Variants in DDX55 observed in about 807,000 individuals in gnomAD.
The protein encoded by DDX55 is DEAD-box helicase 55.
DDX55 carries 56 observed loss-of-function variants against 69.2 expected under a neutral mutation model. The ratio of observed to expected loss-of-function variants is 0.81; its 90% CI spans 0.65 to 1.01. DDX55 has a LOEUF of 1.01. Ranked by LOEUF, DDX55 falls within the 50% of genes least tolerant of loss-of-function variation. DDX55 has a pLI of 0.00. For synonymous variants in DDX55, 268 were observed against 273.1 expected, an observed-to-expected ratio of 0.98 and a Z score of 0.18; for missense variants, 720 against 745.1, an observed-to-expected ratio of 0.97 and a Z score of 0.39.
chr12:123,606,043 G>C (rs1404627956), intron 2 of DDX55, 30 bp from the exon 3 acceptor site: 9 of 1,543,054 alleles, frequency 5.8e-6, no homozygotes, highest in Non-Finnish European at 7.8e-6. Flanking sequence ...CTCTGAGGAA[G>C]AAAGGGAAAC....
intron 1 of DDX55, among the ~76,000 whole-genome samples, chr12:123,603,393 T>TTC (rs386378043): frequency 2.8e-5 from 1 of 35,504 alleles, no homozygotes; most frequent in Non-Finnish European, 8.4e-5. Context: ...GTTTTTATTC[T>TTC]TTTTTTTTTT....
intron 8 of DDX55, among the ~76,000 whole-genome samples, chr12:123,613,506 A>G (rs991283883): frequency 6.6e-6 from 1 of 152,028 alleles, no homozygotes; most frequent in Non-Finnish European, 1.5e-5. Flanking sequence ...TGTTGATGTG[A>G]TTGGTCTTCT....
Position 123,618,818 on chromosome 12 carries a change from C to T in DDX55, c.1314C>T (p.Asn438=). ...AAGCTTATGCAAAGCATGAATGCAA[C>T]CTGATTTTCAGATTAAAGGGTAAGT... is the stretch of plus-strand genomic sequence containing the variant. ...YVQAYAKHEC[N]LIFRLKDLDF... is the part of the protein sequence containing the mutation. The change falls in exon 12 of 14, where the codon AAC becomes AAT. Residue 438 remains asparagine (N), a synonymous_variant. Coordinates refer to ENST00000238146, the MANE Select transcript of DDX55 (RefSeq NM_020936.3). The T allele has an allele frequency of 3.7e-6, 6 of 1,613,802 alleles. No individual in the cohort carries two copies. The highest frequency in any genetic ancestry group is 3.3e-5 in the South Asian group (3 of 91,034).
At chr12:123,617,413 T>C (rs1215368355) in intron 10 of DDX55, among the ~76,000 whole-genome samples, 1 of 152,258 alleles carries the variant, frequency 6.6e-6, no homozygotes, top group Non-Finnish European at 1.5e-5. Context: ...CAAGTGTTGA[T>C]GATTACTCCT....
chr12:123,604,820 T>C (rs1953787790), intron 1 of DDX55: 1 of 152,226 alleles, frequency 6.6e-6, no homozygotes, highest in African/African-American at 2.4e-5. Context: ...TTAGAAAATT[T>C]AAAATTGTTT....
At position 123,610,605 on chromosome 12, in the gene DDX55, CTT is replaced by C. The variant is rs35576014; in HGVS notation, c.741+500_741+501del. 2.9e-4 allele frequency among the ~76,000 whole-genome samples: 26 copies of C among 90,034 alleles called. No individual in the cohort carries two copies. In the East Asian group the frequency reaches 5.0e-3, roughly 17 times the overall value. The allele number at this position is 90,034 out of a possible 152,430, so 59.1% of individuals were successfully genotyped here. A position where few individuals can be genotyped will look rare whatever the true frequency, so the allele number is the denominator to read the frequency against. On this transcript the variant is annotated intron_variant, in intron 7 of 13. Coordinates refer to ENST00000238146, the MANE Select transcript of DDX55 (RefSeq NM_020936.3). ...GACCTGCATCAAATATGCTGAGTTT[CTT>C]TTTTTTTTTTTTTTTTTTTTTTGAG...
rs576448143 is a variant in DDX55, at chr12:123,610,059, A to G, written c.672A>G (p.Ser224=). The G allele has an allele frequency of 1.9e-6, 3 of 1,614,190 alleles. No individual in the cohort carries two copies. In the African/African-American group the frequency reaches 4.0e-5, roughly 22 times the overall value. The part of the protein sequence containing the change: ...RAGLRNPVRV[S]VKEKGVAASS... ...GCCTCCGGAACCCTGTCCGGGTCTC[A>G]GTGAAGGAGAAGGGCGTGGCAGCCA... The change falls in exon 7 of 14, where the codon TCA becomes TCG. Residue 224 remains serine, a synonymous_variant. Transcript: ENST00000238146.
intron 3 of DDX55, among the ~76,000 whole-genome samples, chr12:123,607,140 G>A (rs1006840594): frequency 3.3e-5 from 5 of 152,222 alleles, no homozygotes; most frequent in African/African-American, 1.2e-4. Flanking sequence ...TGACAAAAAT[G>A]TCATGCCCAA....
In DDX55 at chr12:123,618,784, C is replaced by T; in HGVS notation, c.1280C>T (p.Ser427Leu). The T allele has an allele frequency of 6.2e-7, 1 of 1,614,178 alleles. No homozygotes were observed. The highest frequency in any genetic ancestry group is 8.5e-7 in the Non-Finnish European group (1 of 1,180,040). Residue 427 changes from serine (S) to leucine (L), a missense_variant, in exon 12 of 14, where the codon TCA becomes TTA. Physicochemically the swap from Ser to Leu is moderately radical, Grantham distance 145 (BLOSUM62 -2). Transcript: ENST00000238146. Reference sequence around the variant, plus strand: ...GAAAAGGGCATGAAAGCTTTTGTGTCATATGTCCAAGCTTATGCAAAGCAT... The same window carrying T: ...GAAAAGGGCATGAAAGCTTTTGTGTTATATGTCCAAGCTTATGCAAAGCAT... ...VFEKGMKAFVSYVQAYAKHEC... is the reference protein window; with the variant it reads ...VFEKGMKAFVLYVQAYAKHEC...
intron 10 of DDX55, among the ~76,000 whole-genome samples, chr12:123,617,176 A>T (rs2135739405): frequency 6.6e-6 from 1 of 152,366 alleles, no homozygotes; most frequent in South Asian, 2.1e-4. Flanking sequence ...AGTAGCAAAA[A>T]TAGGCAAATG....
At chr12:123,607,689 C>T (rs1478450752) in intron 5 of DDX55, 27 bp downstream of exon 5, 2 of 1,614,010 alleles carry the variant, frequency 1.2e-6, no homozygotes, top group Non-Finnish European at 1.7e-6. Context: ...CTGCTTGTTT[C>T]TTTGCTTGCT....
intron 8 of DDX55, among the ~76,000 whole-genome samples, chr12:123,613,568 A>G (rs911365521): frequency 1.3e-5 from 2 of 152,108 alleles, no homozygotes; most frequent in African/African-American, 4.8e-5. Flanking sequence ...ACACCCTGTC[A>G]TGTCTCCACT....
rs1224973568 is a variant in DDX55, at chr12:123,615,296, G to A, written c.936G>A (p.Met312Ile). 2 of 1,613,978 alleles carry A rather than the reference G, an allele frequency of 1.2e-6. No individual in the cohort carries two copies. Among genetic ancestry groups the A allele is most frequent in the Admixed American group, 1.7e-5 (1 of 60,016 alleles). The change falls in exon 9 of 14, where the codon ATG becomes ATA. Residue 312 changes from methionine to isoleucine, a missense_variant. Transcript: ENST00000238146. ...AATATAAACGCAATAAGATCTTCAT[G>A]GAGTTCCGCAAATTGCAAAGGTGGG... ...KMKYKRNKIF[M>I]EFRKLQSGIL...
chr12:123,609,912 G>A, intron 6 of DDX55, 27 bp from the exon 7 acceptor site: 2 of 1,603,766 alleles, frequency 1.2e-6, no homozygotes, highest in Non-Finnish European at 1.7e-6. Context: ...CAAGTGAGCG[G>A]TTAAGTGTGA....
At chr12:123,619,408 ACT>A (rs765767303) in intron 12 of DDX55, 22 bp from the exon 13 acceptor site, 46 of 1,600,666 alleles carry the variant, frequency 2.9e-5, no homozygotes, top group Non-Finnish European at 3.7e-5. Context: ...GAGTGCGCTA[ACT>A]CTGATCTTCT....
chr12:123,606,204 G>A (rs964651316), intron 3 of DDX55, 45 bp downstream of exon 3: 2 of 1,602,724 alleles, frequency 1.2e-6, no homozygotes, highest in African/African-American at 2.7e-5. Context: ...TCATCAGAGA[G>A]TTCACATTGG....
chr12:123,618,994 T>C (rs907477185), intron 12 of DDX55, among the ~76,000 whole-genome samples, 157 bp downstream of exon 12: 1 of 152,232 alleles, frequency 6.6e-6, no homozygotes. Context: ...CTTTTAACTT[T>C]GTAAAAATGT....
chr12:123,603,015 G>A lies in DDX55; in HGVS notation c.108+759G>A, dbSNP rs117564722. 7.4e-4 allele frequency among the ~76,000 whole-genome samples: 112 copies of A among 152,258 alleles called. No homozygotes were observed. In the East Asian group the frequency reaches 0.02, roughly 27 times the overall value. On this transcript the variant is annotated intron_variant, in intron 1 of 13. Transcript: ENST00000238146. ...ATACCAGTGCACATAAATGCCCTGC[G>A]GCAGGCTGCAAATAGTTTGAGCAGC...
intron 7 of DDX55, 63 bp from the exon 8 acceptor site, chr12:123,613,107 A>G: frequency 6.4e-7 from 1 of 1,551,820 alleles, no homozygotes; most frequent in Non-Finnish European, 8.9e-7. Context: ...TGAAACTGAA[A>G]ATAGCCATGG....
Sources: allele counts gnomAD v4.1 joint callset (sites outside exome capture counted in the v4.1 genomes callset), GRCh38; gene constraint gnomAD v4.1.1; transcripts MANE v1.5; gene names NCBI Gene and HGNC (gene_info 2026-07-23, HGNC 2026-07-21).